MOK: variants seen among roughly 807,000 people sequenced by gnomAD.
MOK encodes the protein MAPK/MAK/MRK overlapping kinase.
Under a neutral mutation model 54.2 loss-of-function variants are expected in MOK, and 59 were observed. The observed-to-expected ratio is 1.09, with a 90% CI of 0.88 to 1.35. The LOEUF (loss-of-function observed/expected upper bound fraction) is 1.35. MOK is among the 40% of genes most tolerant of loss of function. The pLI, the probability that MOK is intolerant of heterozygous loss-of-function variation, is 0.00. For synonymous variants in MOK, 210 were observed against 202.7 expected, an observed-to-expected ratio of 1.04 and a Z score of -0.31; for missense variants, 517 against 526.2, an observed-to-expected ratio of 0.98 and a Z score of 0.17.
chr14:102,278,438 T>C (rs1215291474), intron 2 of MOK, among the ~76,000 whole-genome samples: 1 of 152,088 alleles, frequency 6.6e-6, no homozygotes, highest in African/African-American at 2.4e-5. Context: ...TTTGTTTCTA[T>C]TTATAACCTT....
chr14:102,268,177 C>T (rs765170962), intron 2 of MOK, among the ~76,000 whole-genome samples: 20 of 152,076 alleles, frequency 1.3e-4, no homozygotes, highest in Non-Finnish European at 2.2e-4. Context: ...TATCACACCC[C>T]AAAACATATT....
In MOK at chr14:102,265,892, A is replaced by G. The variant is rs1197725993; in HGVS notation, c.143T>C (p.Leu48Pro). ...GCGCCTCAGTGCTTGGATCTCTCGT[A>G]GGTTGTTGACTTGCTCAATACTATC... ...RFESIEQVNN[L>P]REIQALRRLN... The change falls in exon 3 of 12, where the codon CTA (leucine) becomes CCA (proline). Residue 48 changes from leucine to proline, a missense_variant. By Grantham distance (98) the Leu-to-Pro change is moderately conservative (BLOSUM62 -3). Transcript: ENST00000361847. The G allele has an allele frequency of 6.2e-7, 1 of 1,613,792 alleles. No homozygotes were observed. The highest frequency in any genetic ancestry group is 1.7e-5 in the Admixed American group (1 of 59,996).
At chr14:102,266,954 T>C (rs2067964185) in intron 2 of MOK, among the ~76,000 whole-genome samples, 2 of 152,218 alleles carry the variant, frequency 1.3e-5, no homozygotes, top group Admixed American at 6.5e-5. Flanking sequence ...CTCTTCTTTA[T>C]GAAGACTGCT....
Position 102,289,019 on chromosome 14 carries a change from C to A in MOK, c.8-5427G>T, listed in dbSNP as rs556852330. ...CTAGGCTCAAGCGATCATCCCACCT[C>A]AGCCTTCTGAGTAGCTGGGACTACA... is the stretch of plus-strand genomic sequence containing the variant. On this transcript the variant is annotated intron_variant, in intron 1 of 11. Transcript: ENST00000361847. Among the ~76,000 whole-genome samples, 9 of 152,290 alleles carry A rather than the reference C, an allele frequency of 5.9e-5. No individual in the cohort carries two copies. In the East Asian group the frequency reaches 1.7e-3, roughly 29 times the overall value.
At position 102,251,005 on chromosome 14, in the gene MOK, A is replaced by C. The variant is rs1484290440; in HGVS notation, c.412-15T>G. ...AGGACATCCTGCTGGAAGGGGAAAG[A>C]AGCAAGGACAAGTAACATCCCATTA... On this transcript the variant is annotated splice_polypyrimidine_tract_variant and intron_variant, in intron 6 of 11. Coordinates refer to ENST00000361847, the MANE Select transcript of MOK (RefSeq NM_014226.3). The C allele has an allele frequency of 3.1e-6, 5 of 1,612,970 alleles. No individual in the cohort carries two copies. The highest frequency in any genetic ancestry group is 2.2e-5 in the South Asian group (2 of 91,016).
rs2153107997 is a variant in MOK, at chr14:102,249,207, T to C, written c.590+1605A>G. ...TAAGAGGCAAAAGACAGATCCACAT[T>C]CCGTCATCTGTTCAGCATGATGTCT... On this transcript the variant is annotated intron_variant, in intron 7 of 11. Coordinates refer to ENST00000361847, the MANE Select transcript of MOK (RefSeq NM_014226.3). This position sits in a 1 kb window ranked among gnomAD's most constrained non-coding sequence, Gnocchi z 5.3. Among the ~76,000 whole-genome samples the C allele has an allele frequency of 6.6e-6, 1 of 152,302 alleles. No homozygotes were observed. Among genetic ancestry groups the C allele is most frequent in the Non-Finnish European group, 1.5e-5 (1 of 68,036 alleles).
At chr14:102,218,653 C>T in the MOK span, among the ~76,000 whole-genome samples, 2 of 151,850 alleles carry the variant, frequency 1.3e-5, no homozygotes, top group Non-Finnish European at 2.9e-5. Context: ...ATTTTTTTAT[C>T]ACTTAATTTT....
chr14:102,229,193 C>T lies in MOK; in HGVS notation c.*96G>A. The T allele has an allele frequency of 7.5e-7, 1 of 1,326,108 alleles. No individual in the cohort carries two copies. Among genetic ancestry groups the T allele is most frequent in the South Asian group, 1.4e-5 (1 of 70,146 alleles). The allele number at this position is 1,326,108 out of a possible 1,614,324, so 82.1% of individuals were successfully genotyped here. Reference sequence around the variant, plus strand: ...CAGCGCGAAACGGACGCAGGCGCATCCCCAGCCCTCCGTGGCGTCTCAGCA... The same window carrying T: ...CAGCGCGAAACGGACGCAGGCGCATTCCCAGCCCTCCGTGGCGTCTCAGCA... On this transcript the variant is annotated 3_prime_UTR_variant, in exon 12 of 12. Coordinates refer to ENST00000361847, the MANE Select transcript of MOK (RefSeq NM_014226.3).
rs192077040 is a variant in MOK at position 102,268,852 on chromosome 14, T to G, written c.123-2940A>C. ...ATGGCGTAAACCTGGGAGGTGGAGC[T>G]TGCAGTAAGCCGAAATCACGCCACT... On this transcript the variant is annotated intron_variant, in intron 2 of 11. Transcript: ENST00000361847. Among the ~76,000 whole-genome samples, 697 of 151,532 alleles carry G rather than the reference T, an allele frequency of 4.6e-3. 6 individuals are homozygous for G. Among genetic ancestry groups the G allele is most frequent in the African/African-American group, 0.016 (647 of 41,234 alleles).
intron 4 of MOK, among the ~76,000 whole-genome samples, chr14:102,262,436 C>A (rs570378528): frequency 1.9e-4 from 29 of 152,358 alleles, no homozygotes; most frequent in Non-Finnish European, 3.5e-4. Context: ...GGATTATAGG[C>A]ATGAGCCACT....
rs2064729077 is a variant in MOK at position 102,231,707 on chromosome 14, C to T, written c.981G>A (p.Gln327=). 6.2e-7 allele frequency: 1 copy of T among 1,610,892 alleles called. No individual in the cohort carries two copies. Among genetic ancestry groups the T allele is most frequent in the East Asian group, 2.2e-5 (1 of 44,846 alleles). ...CTCCGGCTCCGATTTCGCTTAGTAC[C>T]TGCTTTCTGCCCTCCTTGGAAATCT... ...SCQISKEGRK[Q]KQSLKQEEDR... is the part of the protein sequence containing the mutation. The change falls in exon 10 of 12, where the codon CAG becomes CAA. Residue 327 remains glutamine, a splice_region_variant and synonymous_variant. Coordinates refer to ENST00000361847, the MANE Select transcript of MOK (RefSeq NM_014226.3). The surrounding 1 kb of genome is among the most constrained non-coding windows in gnomAD (Gnocchi z 4.4).
intron 4 of MOK, among the ~76,000 whole-genome samples, chr14:102,255,004 A>T (rs1367780250): frequency 1.3e-5 from 2 of 152,182 alleles, no homozygotes; most frequent in African/African-American, 4.8e-5. Flanking sequence ...GGAAAAGTCT[A>T]ATCTATCCAA....
chr14:102,281,217 G>A (rs2069388219), intron 2 of MOK, among the ~76,000 whole-genome samples: 1 of 151,944 alleles, frequency 6.6e-6, no homozygotes, highest in Non-Finnish European at 1.5e-5. Flanking sequence ...CCAGATACTC[G>A]GGAGGCTGAG....
intron 4 of MOK, among the ~76,000 whole-genome samples, chr14:102,260,378 G>A (rs1384675495): frequency 1.3e-5 from 2 of 152,032 alleles, no homozygotes; most frequent in East Asian, 3.9e-4. Context: ...CTGCCTGACA[G>A]GGTTGTTGGA....
At chr14:102,220,776 A>G (rs577678073), downstream of MOK, among the ~76,000 whole-genome samples, 2 of 151,528 alleles carry the variant, frequency 1.3e-5, no homozygotes, top group South Asian at 2.1e-4. This position sits in a 1 kb window ranked among gnomAD's most constrained non-coding sequence, Gnocchi z 4.2. Context: ...TTTATTATCT[A>G]TCTTTTCATT....
At position 102,249,101 on chromosome 14, in the gene MOK, C is replaced by A. The variant is rs927182749; in HGVS notation, c.590+1711G>T. On this transcript the variant is annotated intron_variant, in intron 7 of 11. Transcript: ENST00000361847. The surrounding 1 kb of genome is among the most constrained non-coding windows in gnomAD (Gnocchi z 5.3). ...GAACTCAGCCTGGCGTGTGCAGCGA[C>A]CTTAGCTGCTGGGAGGCTCCACTCT... Among the ~76,000 whole-genome samples the A allele has an allele frequency of 1.3e-5, 2 of 152,080 alleles. No individual in the cohort carries two copies. Among genetic ancestry groups the A allele is most frequent in the African/African-American group, 4.8e-5 (2 of 41,410 alleles).
chr14:102,220,715 G>A (rs1477172428), downstream of MOK, among the ~76,000 whole-genome samples: 6 of 59,386 alleles, frequency 1.0e-4, no homozygotes, highest in African/African-American at 4.5e-4. This position sits in a 1 kb window ranked among gnomAD's most constrained non-coding sequence, Gnocchi z 4.2. Flanking sequence ...GTGAGACTCC[G>A]TCTCAAAAAA....
In MOK at chr14:102,245,657, C is replaced by A. The variant is rs2066036868; in HGVS notation, c.590+5155G>T. ...CTCTACAACGGCCCCACCCCTATCT[C>A]CCTTCGATGATTCTCTTTTCGGACT... On this transcript the variant is annotated intron_variant, in intron 7 of 11. Transcript: ENST00000361847. The surrounding 1 kb of genome is among the most constrained non-coding windows in gnomAD (Gnocchi z 4.3). Among the ~76,000 whole-genome samples the A allele has an allele frequency of 6.6e-6, 1 of 152,108 alleles. No individual in the cohort carries two copies. The highest frequency in any genetic ancestry group is 6.5e-5 in the Admixed American group (1 of 15,278).
chr14:102,283,492 C>T lies in MOK; in HGVS notation c.108G>A (p.Lys36=). The part of the protein sequence containing the change: ...DGNYYACKQM[K]QRFESIEQVN... The stretch of plus-strand genomic sequence containing the variant: ...CTGTAGCCTACCTTTCAAAGCGCTG[C>T]TTCATTTGTTTACATGCATAGTAGT... Residue 36 remains lysine, a synonymous_variant, in exon 2 of 12, where the codon AAG becomes AAA. Coordinates refer to ENST00000361847, the MANE Select transcript of MOK (RefSeq NM_014226.3). 1.9e-6 allele frequency: 3 copies of T among 1,610,840 alleles called. No individual in the cohort carries two copies. Among genetic ancestry groups the T allele is most frequent in the Non-Finnish European group, 2.5e-6 (3 of 1,178,482 alleles).
Sources: gnomAD v4.1 joint callset for allele counts (sites outside exome capture counted in the v4.1 genomes callset) on GRCh38, gnomAD v4.1.1 for gene constraint, Gnocchi (gnomAD v3.1) non-coding constraint, MANE v1.5 for transcripts, NCBI Gene and HGNC (gene_info 2026-07-23, HGNC 2026-07-21) for gene names.